Variants in CNTNAP4 observed in about 807,000 individuals in gnomAD.
CNTNAP4 encodes the protein contactin-associated protein-like 4.
Under a neutral mutation model 148.4 loss-of-function variants are expected in CNTNAP4, and 98 were observed. The ratio of observed to expected loss-of-function variants is 0.66; its 90% CI spans 0.56 to 0.78. The LOEUF (loss-of-function observed/expected upper bound fraction) is 0.78, where lower values mean the gene tolerates loss of function less well. CNTNAP4 is among the 30% of genes least tolerant of loss of function. The pLI is 0.00. For missense variants in CNTNAP4, 1,935 were observed against 1,565.6 expected, an observed-to-expected ratio of 1.24 and a Z score of -3.98; for synonymous variants, 730 against 565.1, an observed-to-expected ratio of 1.29 and a Z score of -4.14.
At chr16:76,377,758 A>G (rs959023777) in intron 3 of CNTNAP4, among the ~76,000 whole-genome samples, 1 of 152,170 alleles carries the variant, frequency 6.6e-6, no homozygotes, top group Non-Finnish European at 1.5e-5. Flanking sequence ...CATTTTTACA[A>G]GGAAGAAATA....
chr16:76,407,365 A>T (rs757340241), intron 3 of CNTNAP4, among the ~76,000 whole-genome samples: 1 of 151,984 alleles, frequency 6.6e-6, no homozygotes, highest in Non-Finnish European at 1.5e-5. Flanking sequence ...GCTCTTATTG[A>T]TACTGATTCC....
At position 76,460,793 on chromosome 16, in the gene CNTNAP4, T is replaced by TATATATATATATATATAC. The variant is rs1292198875; in HGVS notation, c.1334-1161_1334-1160insATATATATATATATACAT. 2.2e-3 allele frequency among the ~76,000 whole-genome samples: 247 copies of TATATATATATATATATAC among 110,210 alleles called. 3 individuals carry two copies. Among genetic ancestry groups the TATATATATATATATATAC allele is most frequent in the African/African-American group, 8.5e-3 (226 of 26,566 alleles). The allele number at this position is 110,210 out of a possible 152,430, so 72.3% of individuals were successfully genotyped here. ...AAAAAAATATATATATATATATATA[T>TATATATATATATATATAC]ATTTAGAATTGTATATAAATATATA... is the stretch of plus-strand genomic sequence containing the variant. On this transcript the variant is annotated intron_variant, in intron 8 of 23. Transcript: ENST00000611870.
intron 2 of CNTNAP4, among the ~76,000 whole-genome samples, chr16:76,342,296 T>A (rs1964528552): frequency 6.6e-6 from 1 of 152,108 alleles, no homozygotes; most frequent in African/African-American, 2.4e-5. Context: ...TTTAAAAATT[T>A]CACAAAGGGC....
At position 76,455,654 on chromosome 16, in the gene CNTNAP4, C is replaced by T. The variant is rs115292833; in HGVS notation, c.1333+2885C>T. On this transcript the variant is annotated intron_variant, in intron 8 of 23. Coordinates refer to ENST00000611870, the MANE Select transcript of CNTNAP4 (RefSeq NM_033401.5). Reference sequence around the variant, plus strand: ...AATCCTTAATTCTGGTTAGTGACTACGGTTAGTGGATATAAGAATGTCTGG... The same window carrying T: ...AATCCTTAATTCTGGTTAGTGACTATGGTTAGTGGATATAAGAATGTCTGG... Among the ~76,000 whole-genome samples, 1,114 of 152,270 alleles carry T rather than the reference C, an allele frequency of 7.3e-3. 11 individuals are homozygous for T. The highest frequency in any genetic ancestry group is 0.023 in the African/African-American group (966 of 41,558).
Position 76,476,053 on chromosome 16 carries a change from G to T in CNTNAP4, c.1762+8G>T. ...GAGCTACTTGCCATAACTGTAAGCG[G>T]AACACATCTGCTTTTTCTTGCCCCT... On this transcript the variant is annotated splice_region_variant and intron_variant, in intron 11 of 23. Coordinates refer to ENST00000611870, the MANE Select transcript of CNTNAP4 (RefSeq NM_033401.5). 6.3e-7 allele frequency: 1 copy of T among 1,583,792 alleles called. No homozygotes were observed. Among genetic ancestry groups the T allele is most frequent in the Non-Finnish European group, 8.7e-7 (1 of 1,152,688 alleles).
At chr16:76,402,386 G>A (rs2078449820) in intron 3 of CNTNAP4, among the ~76,000 whole-genome samples, 1 of 151,768 alleles carries the variant, frequency 6.6e-6, no homozygotes, top group Non-Finnish European at 1.5e-5. Flanking sequence ...GAGGTCAGTG[G>A]AAGTATCTCC....
At chr16:76,437,053 G>C (rs1685263526) in intron 4 of CNTNAP4, among the ~76,000 whole-genome samples, 1 of 151,750 alleles carries the variant, frequency 6.6e-6, no homozygotes, top group Admixed American at 6.6e-5. Flanking sequence ...TAGGCCATCT[G>C]CAAGCTGAGG....
chr16:76,460,946 AT>A (rs1326006615), intron 8 of CNTNAP4, among the ~76,000 whole-genome samples: 1 of 150,960 alleles, frequency 6.6e-6, no homozygotes, highest in Non-Finnish European at 1.5e-5. Flanking sequence ...CTGTCACAAC[AT>A]TTTCTCAATC....
At chr16:76,455,246 A>C (rs1386583615) in intron 8 of CNTNAP4, among the ~76,000 whole-genome samples, 1 of 152,174 alleles carries the variant, frequency 6.6e-6, no homozygotes, top group Non-Finnish European at 1.5e-5. Context: ...AAAGTTTTTG[A>C]TATCAAATTT....
chr16:76,319,346 G>C (rs1962161192), intron 2 of CNTNAP4, among the ~76,000 whole-genome samples: 1 of 152,048 alleles, frequency 6.6e-6, no homozygotes, highest in Non-Finnish European at 1.5e-5. Flanking sequence ...AGCCAAGATT[G>C]TGCTGTTGCA....
intron 3 of CNTNAP4, among the ~76,000 whole-genome samples, chr16:76,375,262 A>C (rs181290087): frequency 3.3e-5 from 5 of 152,162 alleles, no homozygotes; most frequent in African/African-American, 1.2e-4. Flanking sequence ...TCTCCACTAA[A>C]ATTACAAAAA....
chr16:76,338,493 C>A (rs925686634), intron 2 of CNTNAP4, among the ~76,000 whole-genome samples: 2 of 152,182 alleles, frequency 1.3e-5, no homozygotes, highest in African/African-American at 4.8e-5. Context: ...CAATCCTTCA[C>A]TGTGGCCTTC....
intron 2 of CNTNAP4, among the ~76,000 whole-genome samples, chr16:76,343,740 A>AT (rs72526066): frequency 6.3e-4 from 89 of 141,044 alleles, no homozygotes; most frequent in African/African-American, 1.5e-3. Flanking sequence ...TTGAAACTTC[A>AT]TTTTTTTTTT....
At chr16:76,486,245 T>A (rs2082021398) in intron 12 of CNTNAP4, among the ~76,000 whole-genome samples, 1 of 152,172 alleles carries the variant, frequency 6.6e-6, no homozygotes, top group South Asian at 2.1e-4. Flanking sequence ...AAAAGATAAT[T>A]GGTAATAAAG....
chr16:76,320,938 T>C (rs1962341112), intron 2 of CNTNAP4, among the ~76,000 whole-genome samples: 1 of 152,228 alleles, frequency 6.6e-6, no homozygotes, highest in Admixed American at 6.5e-5. Flanking sequence ...AAAATACATA[T>C]GTACACCTCT....
chr16:76,495,998 G>C (rs2082387168), intron 14 of CNTNAP4, among the ~76,000 whole-genome samples: 1 of 151,640 alleles, frequency 6.6e-6, no homozygotes, highest in Non-Finnish European at 1.5e-5. Flanking sequence ...ATTTCATTTA[G>C]TTGGGAAACA....
chr16:76,548,637 T>A (rs2084839513), intron 21 of CNTNAP4, among the ~76,000 whole-genome samples: 1 of 152,004 alleles, frequency 6.6e-6, no homozygotes, highest in Non-Finnish European at 1.5e-5. Flanking sequence ...GAAATTGCAC[T>A]TGAGGGTTAC....
At chr16:76,438,918 ACATGTG>A in intron 4 of CNTNAP4, among the ~76,000 whole-genome samples, 1 of 152,210 alleles carries the variant, frequency 6.6e-6, no homozygotes, top group Middle Eastern at 3.2e-3. Context: ...ATTTGTCTGT[ACATGTG>A]TACATTTGTA....
chr16:76,521,541 G>T (rs1400126559), intron 16 of CNTNAP4, among the ~76,000 whole-genome samples: 1 of 152,036 alleles, frequency 6.6e-6, no homozygotes, highest in Non-Finnish European at 1.5e-5. Context: ...TTTAAATGCA[G>T]TTTTAATTTC....
Sources: gnomAD v4.1 joint callset for allele counts (sites outside exome capture counted in the v4.1 genomes callset) on GRCh38, gnomAD v4.1.1 for gene constraint, MANE v1.5 for transcripts, NCBI Gene and HGNC (gene_info 2026-07-23, HGNC 2026-07-21) for gene names.